The following SAMD13 variants were observed in gnomAD, a reference collection of about 807,000 sequenced individuals.
The protein encoded by SAMD13 is sterile alpha motif domain-containing protein 13.
Under a neutral mutation model 12.4 loss-of-function variants are expected in SAMD13, and 9 were observed. The observed-to-expected ratio is 0.72, with a 90% confidence interval of 0.44 to 1.26. The LOEUF (loss-of-function observed/expected upper bound fraction) is 1.26, where lower values mean the gene tolerates loss of function less well. Ranked by LOEUF, SAMD13 falls within the 50% of genes most tolerant of loss-of-function variation. The probability of loss-of-function intolerance (pLI) is 0.00; values close to 1 mark genes in which losing one functional copy is unlikely to be tolerated. For synonymous variants in SAMD13, 46 were observed against 45.4 expected (o/e 1.01, Z -0.05); for missense variants, 84 against 119.6 (o/e 0.70, Z 1.39).
At chr1:84,324,754 G>A (rs1679019500) in intron 2 of SAMD13, among the ~76,000 whole-genome samples, 1 of 152,164 alleles carries the variant, frequency 6.6e-6, no homozygotes, top group Non-Finnish European at 1.5e-5. Flanking sequence ...CAGAAATGAG[G>A]CAGAGTCCCA....
chr1:84,317,700 C>T (rs1263516433), intron 2 of SAMD13, among the ~76,000 whole-genome samples: 1 of 151,994 alleles, frequency 6.6e-6, no homozygotes, highest in Non-Finnish European at 1.5e-5. Context: ...GAGGGTAATA[C>T]TGACCTCATA....
At chr1:84,299,198 T>C (rs1053350872), upstream of SAMD13, among the ~76,000 whole-genome samples, 5 of 152,090 alleles carry the variant, frequency 3.3e-5, no homozygotes, top group African/African-American at 1.2e-4. Flanking sequence ...GGCGGCTCCT[T>C]TGGGACCGCG....
intron 3 of SAMD13, among the ~76,000 whole-genome samples, chr1:84,340,287 A>G (rs1239080345): frequency 6.6e-6 from 1 of 152,252 alleles, no homozygotes; most frequent in Non-Finnish European, 1.5e-5. Flanking sequence ...TACGACATGG[A>G]TAAACATTGA....
chr1:84,340,348 A>C (rs1426327231), intron 3 of SAMD13, among the ~76,000 whole-genome samples: 1 of 152,248 alleles, frequency 6.6e-6, no homozygotes, highest in African/African-American at 2.4e-5. Context: ...TTCCACTTAC[A>C]TGAAATATCT....
chr1:84,322,984 TG>T (rs1457993049), intron 2 of SAMD13, among the ~76,000 whole-genome samples: 2 of 152,180 alleles, frequency 1.3e-5, no homozygotes, highest in African/African-American at 2.4e-5. Context: ...ATTTTAGGTT[TG>T]GGGGTACATG....
chr1:84,349,516 A>G (rs1004518988), intron 3 of SAMD13, 115 bp from the exon 4 acceptor site: 51 of 1,485,686 alleles, frequency 3.4e-5, no homozygotes, highest in African/African-American at 5.6e-5. Context: ...TACAAATGTA[A>G]TGTTTTTAGC....
chr1:84,312,851 A>G (rs888126228), intron 2 of SAMD13, among the ~76,000 whole-genome samples: 4 of 152,214 alleles, frequency 2.6e-5, no homozygotes, highest in Non-Finnish European at 5.9e-5. Flanking sequence ...AGCTGCTACC[A>G]TATTGAAAAG....
chr1:84,307,314 C>A (rs997193989), intron 2 of SAMD13, among the ~76,000 whole-genome samples: 1 of 152,134 alleles, frequency 6.6e-6, no homozygotes, highest in Non-Finnish European at 1.5e-5. Context: ...AATGTTGAAT[C>A]TGCTGTCAAT....
At chr1:84,321,091 A>G (rs1678933085) in intron 2 of SAMD13, among the ~76,000 whole-genome samples, 1 of 152,156 alleles carries the variant, frequency 6.6e-6, no homozygotes, top group African/African-American at 2.4e-5. Flanking sequence ...TAAAGGCTCA[A>G]TTGATCTGCT....
intron 3 of SAMD13, among the ~76,000 whole-genome samples, chr1:84,326,131 CCTA>C (rs1352749981): frequency 6.6e-6 from 1 of 152,138 alleles, no homozygotes; most frequent in Non-Finnish European, 1.5e-5. Flanking sequence ...TACACCACCT[CCTA>C]CTACTGGCCT....
At chr1:84,344,939 G>C in intron 3 of SAMD13, 1 of 456,722 alleles carries the variant, frequency 2.2e-6, no homozygotes, top group Non-Finnish European at 4.4e-6. Flanking sequence ...AAAACATTTG[G>C]AGGAGGAACT....
chr1:84,345,117 C>T (rs1304165269), intron 3 of SAMD13: 2 of 456,614 alleles, frequency 4.4e-6, no homozygotes, highest in Non-Finnish European at 8.8e-6. Flanking sequence ...GACATTTGAA[C>T]CCTTTGTAAG....
intron 2 of SAMD13, among the ~76,000 whole-genome samples, chr1:84,313,315 C>G (rs1368243816): frequency 6.6e-6 from 1 of 151,988 alleles, no homozygotes; most frequent in Non-Finnish European, 1.5e-5. Context: ...TTCAGATGCA[C>G]AGATTTGGGA....
At chr1:84,336,277 G>T (rs1679285175) in intron 3 of SAMD13, among the ~76,000 whole-genome samples, 1 of 152,016 alleles carries the variant, frequency 6.6e-6, no homozygotes, top group Non-Finnish European at 1.5e-5. Context: ...TTGTCTGACT[G>T]AGTTATTTGA....
chr1:84,332,578 T>C (rs970797844), intron 3 of SAMD13, among the ~76,000 whole-genome samples: 3 of 152,188 alleles, frequency 2.0e-5, no homozygotes, highest in African/African-American at 7.2e-5. Context: ...TGTAATGGGT[T>C]GTTTGTTTTC....
chr1:84,324,065 TATTC>T (rs1679005234), intron 2 of SAMD13, among the ~76,000 whole-genome samples: 1 of 152,192 alleles, frequency 6.6e-6, no homozygotes, highest in Non-Finnish European at 1.5e-5. Flanking sequence ...ACACTGATTT[TATTC>T]ATTAACTCTC....
At position 84,350,034 on chromosome 1, in the gene SAMD13, C is replaced by T; in HGVS notation, c.*260C>T. 1 of 449,684 alleles carries T rather than the reference C, an allele frequency of 2.2e-6. No individual in the cohort carries two copies. Among genetic ancestry groups the T allele is most frequent in the Non-Finnish European group, 3.3e-6 (1 of 298,860 alleles). The allele number at this position is 449,684 out of a possible 1,614,324, so 27.9% of individuals were successfully genotyped here. A position where few individuals can be genotyped will look rare whatever the true frequency, so the allele number is the denominator to read the frequency against. On this transcript the variant is annotated 3_prime_UTR_variant, in exon 4 of 4. Transcript: ENST00000394834. Reference sequence around the variant, plus strand: ...ATGATCTTTGACACGATTAGACACTCCTCCCCACAAAGGCTTTGAAATCAT... The same window carrying T: ...ATGATCTTTGACACGATTAGACACTTCTCCCCACAAAGGCTTTGAAATCAT...
intron 2 of SAMD13, among the ~76,000 whole-genome samples, chr1:84,311,647 G>C (rs1199023009): frequency 6.6e-6 from 1 of 152,162 alleles, no homozygotes; most frequent in Non-Finnish European, 1.5e-5. Context: ...CCATACAGTG[G>C]AATGAAGCAG....
At chr1:84,316,659 T>C (rs920871384) in intron 2 of SAMD13, among the ~76,000 whole-genome samples, 5 of 152,152 alleles carry the variant, frequency 3.3e-5, no homozygotes, top group Non-Finnish European at 7.4e-5. Context: ...GTGTGTTGCC[T>C]CCAACACTGT....
Sources: allele counts gnomAD v4.1 joint callset (sites outside exome capture counted in the v4.1 genomes callset), GRCh38; gene constraint gnomAD v4.1.1; transcripts MANE v1.5; gene names NCBI Gene and HGNC (gene_info 2026-07-23, HGNC 2026-07-21).